The following AK9 variants were observed in gnomAD, a reference collection of about 807,000 sequenced individuals.
AK9 encodes the protein adenylate kinase 9, also known as adenylate kinase domain containing 1.
In AK9, 191 loss-of-function variants were observed where a neutral mutation model predicts 239.6. The observed-to-expected ratio is 0.80, with a 90% CI of 0.71 to 0.90. AK9 has a LOEUF of 0.90. AK9 is among the 40% of genes least tolerant of loss of function. AK9 has a pLI of 0.00. For missense variants in AK9, 1,995 were observed against 2,214.7 expected (o/e 0.90, Z 1.99); for synonymous variants, 689 against 721.0 (o/e 0.96, Z 0.71).
At chr6:109,641,322 C>T (rs1797400701) in intron 10 of AK9, among the ~76,000 whole-genome samples, 196 bp downstream of exon 10, 2 of 148,722 alleles carry the variant, frequency 1.3e-5, no homozygotes, top group Admixed American at 1.3e-4. Context: ...TGCATACCAC[C>T]ACACCTGGCT....
At chr6:109,682,288 G>A (rs561898443) in intron 1 of AK9, among the ~76,000 whole-genome samples, 6 of 152,030 alleles carry the variant, frequency 3.9e-5, no homozygotes, top group South Asian at 4.2e-4. Flanking sequence ...TTAGCCAGGC[G>A]TGGTGGCGGG....
intron 28 of AK9, among the ~76,000 whole-genome samples, chr6:109,531,377 C>G (rs1781232058): frequency 6.6e-6 from 1 of 151,850 alleles, no homozygotes; most frequent in African/African-American, 2.4e-5. Context: ...GGGCAAATGC[C>G]TGGGGTGATA....
intron 10 of AK9, among the ~76,000 whole-genome samples, chr6:109,634,052 G>GT (rs1272654165): frequency 1.3e-5 from 2 of 152,146 alleles, no homozygotes; most frequent in African/African-American, 4.8e-5. Flanking sequence ...GGCATGGTGA[G>GT]TATTATGGTT....
chr6:109,672,241 T>C, intron 3 of AK9, 74 bp from the exon 4 acceptor site: 2 of 1,233,728 alleles, frequency 1.6e-6, no homozygotes, highest in South Asian at 1.3e-5. Flanking sequence ...TTCTAGTGTC[T>C]TGTAACTGGT....
chr6:109,615,244 A>T (rs1583265463), intron 13 of AK9, among the ~76,000 whole-genome samples: 1 of 135,408 alleles, frequency 7.4e-6, no homozygotes, highest in African/African-American at 2.6e-5. Context: ...TTTTTTTTCC[A>T]TCTGTTCCCT....
At chr6:109,674,071 T>C (rs942274547) in intron 3 of AK9, 127 bp downstream of exon 3, 2 of 583,962 alleles carry the variant, frequency 3.4e-6, no homozygotes, top group Non-Finnish European at 5.3e-6. Context: ...ATAAAGCAAA[T>C]ATAGCAAAAC....
At chr6:109,617,200 G>A (rs1401234202) in intron 13 of AK9, among the ~76,000 whole-genome samples, 2 of 152,012 alleles carry the variant, frequency 1.3e-5, no homozygotes, top group African/African-American at 2.4e-5. Flanking sequence ...TAGTAAATAT[G>A]AGAACTCTTA....
Position 109,633,112 on chromosome 6 carries a change from A to G in AK9, c.1074-9T>C. 1 of 1,549,454 alleles carries G rather than the reference A, an allele frequency of 6.5e-7. No homozygotes were observed. The highest frequency in any genetic ancestry group is 1.4e-5 in the African/African-American group (1 of 72,114). On this transcript the variant is annotated splice_polypyrimidine_tract_variant and intron_variant, in intron 11 of 40. Transcript: ENST00000424296. ...AGATTTTACCTAGAAAACTTAAAAT[A>G]TGCCATATTAGTAAACAACTGAAAA... is the stretch of plus-strand genomic sequence containing the variant.
chr6:109,578,481 T>C (rs1156243573), intron 20 of AK9, among the ~76,000 whole-genome samples: 1 of 152,186 alleles, frequency 6.6e-6, no homozygotes, highest in Non-Finnish European at 1.5e-5. Context: ...GCTTTTTGTT[T>C]CATTTATCTT....
chr6:109,591,061 A>G (rs1408461462), intron 17 of AK9, among the ~76,000 whole-genome samples: 1 of 152,142 alleles, frequency 6.6e-6, no homozygotes, highest in Non-Finnish European at 1.5e-5. Context: ...ATTTAAGCCT[A>G]GAGTTTCTTT....
At chr6:109,650,408 A>C (rs1445537057) in intron 8 of AK9, among the ~76,000 whole-genome samples, 11 of 152,186 alleles carry the variant, frequency 7.2e-5, no homozygotes, top group African/African-American at 4.8e-5. Flanking sequence ...ACCCCATCAA[A>C]AAGTGGGCAA....
chr6:109,635,576 C>G (rs190678666), intron 10 of AK9, among the ~76,000 whole-genome samples: 1 of 152,146 alleles, frequency 6.6e-6, no homozygotes, highest in Non-Finnish European at 1.5e-5. Context: ...CCAGACACAG[C>G]CAAGGTAGCG....
At chr6:109,647,585 A>T (rs1376131565) in intron 8 of AK9, among the ~76,000 whole-genome samples, 1 of 152,238 alleles carries the variant, frequency 6.6e-6, no homozygotes, top group African/African-American at 2.4e-5. Context: ...CCAGATTCAT[A>T]AAGCAAGTCC....
Position 109,509,241 on chromosome 6 carries a change from A to G in AK9, c.4419T>C (p.Pro1473=), listed in dbSNP as rs113296109. 4.3e-5 allele frequency: 66 copies of G among 1,552,128 alleles called. No individual in the cohort carries two copies. In the African/African-American group the frequency reaches 7.7e-4, roughly 18 times the overall value. Reference sequence around the variant, plus strand: ...CTAAGGCTTGAATAGCCAGTTCATCAGGTGCTGTCATTCCTTTATGAAGAT... The same window carrying G: ...CTAAGGCTTGAATAGCCAGTTCATCGGGTGCTGTCATTCCTTTATGAAGAT... The part of the protein sequence containing the change: ...NWHLHKGMTA[P]DELAIQALEL... The change falls in exon 33 of 41, where the codon CCT becomes CCC. Residue 1473 remains proline, a synonymous_variant. Coordinates refer to ENST00000424296, the MANE Select transcript of AK9 (RefSeq NM_001145128.3).
intron 7 of AK9, among the ~76,000 whole-genome samples, chr6:109,658,122 A>C (rs117511288): frequency 0.014 from 2,174 of 152,328 alleles, 24 homozygotes; most frequent in Non-Finnish European, 0.022. Flanking sequence ...TGTTGCAATA[A>C]GTAGCTTCAT....
rs1210007606 is a variant in AK9, at chr6:109,564,784, G to A, written c.2406C>T (p.Gly802=). The change falls in exon 22 of 41, where the codon GGC becomes GGT. Residue 802 remains glycine (G), a synonymous_variant. Transcript: ENST00000424296. ...TTTCAGATAATTTTTCAATTTCCAGGCCCTCTTTGGATCCTTTTGGGATTT... is the reference window on the plus strand; with the variant it reads ...TTTCAGATAATTTTTCAATTTCCAGACCCTCTTTGGATCCTTTTGGGATTT... ...ETEIPKGSKE[G]LEIEKLSETV... is the part of the protein sequence containing the mutation. The A allele has an allele frequency of 1.3e-6, 2 of 1,544,552 alleles. No individual in the cohort carries two copies. The highest frequency in any genetic ancestry group is 2.7e-5 in the African/African-American group (2 of 72,742).
intron 20 of AK9, among the ~76,000 whole-genome samples, chr6:109,576,896 T>C (rs1788161314): frequency 6.6e-6 from 1 of 151,696 alleles, no homozygotes; most frequent in African/African-American, 2.4e-5. Flanking sequence ...AGTGGCATGA[T>C]CTCAGCTCAT....
intron 10 of AK9, among the ~76,000 whole-genome samples, chr6:109,638,309 T>C (rs1193614140): frequency 2.6e-5 from 4 of 152,178 alleles, no homozygotes; most frequent in Non-Finnish European, 5.9e-5. Context: ...CAAGCCCACT[T>C]TTCTTCCTCT....
intron 20 of AK9, among the ~76,000 whole-genome samples, chr6:109,578,550 C>A (rs1285888034): frequency 6.6e-6 from 1 of 151,540 alleles, no homozygotes; most frequent in East Asian, 1.9e-4. Context: ...TTCATTATTT[C>A]TTTTCTTCTG....
Sources: gnomAD v4.1 joint callset for allele counts (sites outside exome capture counted in the v4.1 genomes callset) on GRCh38, gnomAD v4.1.1 for gene constraint, MANE v1.5 for transcripts, NCBI Gene and HGNC (gene_info 2026-07-23, HGNC 2026-07-21) for gene names.